Variants in QTMAN observed in about 807,000 individuals in gnomAD.
QTMAN encodes the protein tRNA-queuosine alpha-mannosyltransferase.
the QTMAN span, among the ~76,000 whole-genome samples, chr2:144,147,969 G>C: frequency 6.6e-6 from 1 of 151,270 alleles, no homozygotes; most frequent in Admixed American, 6.6e-5. Flanking sequence ...TGTCATAAAA[G>C]AAAAAAATCT....
chr2:144,321,788 T>C, the QTMAN span, among the ~76,000 whole-genome samples: 1 of 152,094 alleles, frequency 6.6e-6, no homozygotes, highest in Non-Finnish European at 1.5e-5. Context: ...TTAAATTTTT[T>C]GTAGAGATGG....
chr2:144,050,727 C>T, the QTMAN span, among the ~76,000 whole-genome samples: 53 of 151,914 alleles, frequency 3.5e-4, no homozygotes, highest in Admixed American at 3.3e-4. Flanking sequence ...AGATTTAAAC[C>T]TTTTGTCAGT....
chr2:144,228,613 A>G, the QTMAN span, among the ~76,000 whole-genome samples: 12 of 152,298 alleles, frequency 7.9e-5, no homozygotes, highest in African/African-American at 2.9e-4. Context: ...AATTTGTGTG[A>G]AAGTGTAAAC....
At chr2:144,250,013 G>A in the QTMAN span, among the ~76,000 whole-genome samples, 1 of 152,078 alleles carries the variant, frequency 6.6e-6, no homozygotes, top group Admixed American at 6.5e-5. Context: ...GATTTCAAGA[G>A]GACACAAGAG....
the QTMAN span, among the ~76,000 whole-genome samples, chr2:144,098,493 T>C: frequency 6.6e-6 from 1 of 152,100 alleles, no homozygotes; most frequent in African/African-American, 2.4e-5. Flanking sequence ...GGCGGGCAGA[T>C]TGTCTAAGCT....
the QTMAN span, among the ~76,000 whole-genome samples, chr2:144,148,566 T>C: frequency 6.6e-6 from 1 of 151,872 alleles, no homozygotes; most frequent in East Asian, 1.9e-4. Context: ...ATATCTGTAT[T>C]TCTAGCCATA....
the QTMAN span, chr2:144,007,634 T>A: frequency 3.1e-5 from 21 of 684,864 alleles, no homozygotes; most frequent in South Asian, 3.3e-5. Context: ...TATATAAAAC[T>A]GAGAAAAAAT....
At chr2:144,247,248 C>A in the QTMAN span, among the ~76,000 whole-genome samples, 2 of 152,168 alleles carry the variant, frequency 1.3e-5, no homozygotes, top group Non-Finnish European at 2.9e-5. Context: ...AATGTATTAT[C>A]TGATGCAATT....
chr2:144,302,626 T>C, the QTMAN span, among the ~76,000 whole-genome samples: 1 of 152,196 alleles, frequency 6.6e-6, no homozygotes, highest in Admixed American at 6.5e-5. Flanking sequence ...TCAATAGGTA[T>C]TTACAGAACA....
the QTMAN span, among the ~76,000 whole-genome samples, chr2:144,281,880 CA>C: frequency 2.6e-5 from 4 of 152,060 alleles, no homozygotes; most frequent in Non-Finnish European, 5.9e-5. Context: ...ATTTTAGGTT[CA>C]GGGGTACATG....
At chr2:144,223,613 T>C in the QTMAN span, among the ~76,000 whole-genome samples, 1 of 152,188 alleles carries the variant, frequency 6.6e-6, no homozygotes, top group Non-Finnish European at 1.5e-5. Flanking sequence ...CATATAACAA[T>C]ATTGATTTGA....
chr2:144,292,832 T>C, the QTMAN span, among the ~76,000 whole-genome samples: 1 of 152,164 alleles, frequency 6.6e-6, no homozygotes, highest in Non-Finnish European at 1.5e-5. Flanking sequence ...TAACAGGTCC[T>C]ATCAATTCAA....
the QTMAN span, among the ~76,000 whole-genome samples, chr2:144,236,672 T>C: frequency 6.6e-6 from 1 of 151,938 alleles, no homozygotes; most frequent in Non-Finnish European, 1.5e-5. Flanking sequence ...ATCAAATCAA[T>C]AGGAAATGTG....
chr2:144,019,440 G>A, the QTMAN span, among the ~76,000 whole-genome samples: 2 of 104,672 alleles, frequency 1.9e-5, no homozygotes, highest in East Asian at 3.4e-4. Flanking sequence ...ATGCAGGTGT[G>A]TGTGTGTGTG....
chr2:144,284,125 A>G, the QTMAN span, among the ~76,000 whole-genome samples: 7 of 152,036 alleles, frequency 4.6e-5, no homozygotes, highest in Non-Finnish European at 8.8e-5. Context: ...AAATAATCAT[A>G]CTGCTGTTCT....
At chr2:144,149,631 C>T in the QTMAN span, among the ~76,000 whole-genome samples, 2 of 151,976 alleles carry the variant, frequency 1.3e-5, no homozygotes, top group Non-Finnish European at 1.5e-5. Flanking sequence ...CTACTATAAT[C>T]ATCTAACCAA....
chr2:144,034,130 G>A, the QTMAN span, among the ~76,000 whole-genome samples: 5 of 152,158 alleles, frequency 3.3e-5, no homozygotes, highest in African/African-American at 1.2e-4. Context: ...TCACATTTTG[G>A]AGGTAAAACG....
At chr2:143,991,538 C>T in the QTMAN span, among the ~76,000 whole-genome samples, 1 of 148,974 alleles carries the variant, frequency 6.7e-6, no homozygotes, top group African/African-American at 2.5e-5. Flanking sequence ...GCCCGGCCAG[C>T]CGCCCCGTCC....
chr2:143,987,801 G>A, the QTMAN span, among the ~76,000 whole-genome samples: 1 of 152,146 alleles, frequency 6.6e-6, no homozygotes, highest in African/African-American at 2.4e-5. Flanking sequence ...AAAATCCTGA[G>A]GCTGAGTTCT....
Sources: gnomAD v4.1 joint callset for allele counts (sites outside exome capture counted in the v4.1 genomes callset) on GRCh38, gnomAD v4.1.1 for gene constraint, MANE v1.5 for transcripts, NCBI Gene and HGNC (gene_info 2026-07-23, HGNC 2026-07-21) for gene names.